GALNT15: variants seen among roughly 807,000 people sequenced by gnomAD.
GALNT15 encodes the protein UDP-GalNAc transferase T15.
In GALNT15, 67 loss-of-function variants were observed where a neutral mutation model predicts 66.8. That is an observed-to-expected ratio of 1.00 (90% confidence interval 0.82 to 1.23). The LOEUF is 1.23. GALNT15 is among the 50% of genes most tolerant of loss of function. The probability of loss-of-function intolerance (pLI) is 0.00; values close to 1 mark genes in which losing one functional copy is unlikely to be tolerated. For synonymous variants in GALNT15, 313 were observed against 311.5 expected, an observed-to-expected ratio of 1.00 and a Z score of -0.05; for missense variants, 827 against 804.3, an observed-to-expected ratio of 1.03 and a Z score of -0.34.
the GALNT15 span, among the ~76,000 whole-genome samples, chr3:16,246,005 G>A: frequency 1.0e-3 from 154 of 152,194 alleles, 1 homozygote; most frequent in Non-Finnish European, 1.8e-3. Flanking sequence ...ATGGGAAGAA[G>A]GTTTGGGGTA....
rs147125799 is a variant in GALNT15 at position 16,225,978 on chromosome 3, G to T, written c.1774-1376G>T. Reference sequence around the variant, plus strand: ...GTAGGAGAATCGCTTGAACCTGGGAGATGGAGGTTGCAATGAGCCGAGATC... The same window carrying T: ...GTAGGAGAATCGCTTGAACCTGGGATATGGAGGTTGCAATGAGCCGAGATC... On this transcript the variant is annotated intron_variant, in intron 9 of 9. Coordinates refer to ENST00000339732, the MANE Select transcript of GALNT15 (RefSeq NM_054110.5). The surrounding 1 kb of genome is among the most constrained non-coding windows in gnomAD (Gnocchi z 4.4). Among the ~76,000 whole-genome samples the T allele has an allele frequency of 4.1e-3, 619 of 150,588 alleles. 9 individuals carry two copies. The highest frequency in any genetic ancestry group is 0.015 in the African/African-American group (606 of 40,882).
chr3:16,241,543 C>T, the GALNT15 span, among the ~76,000 whole-genome samples: 1 of 151,528 alleles, frequency 6.6e-6, no homozygotes, highest in African/African-American at 2.4e-5. This position sits in a 1 kb window ranked among gnomAD's most constrained non-coding sequence, Gnocchi z 4.6. Context: ...AAAACAGCAA[C>T]TTTTTTTTCT....
At position 16,208,471 on chromosome 3, in the gene GALNT15, C is replaced by T. The variant is rs538260003; in HGVS notation, c.912-32C>T. On this transcript the variant is annotated intron_variant, in intron 3 of 9. Transcript: ENST00000339732. ...CCAGCCCCAGCAAGTAAATGCTTTA[C>T]GTCCCTTGTTTAATTCCACAATTCT... 3.0e-5 allele frequency: 48 copies of T among 1,608,528 alleles called. No individual in the cohort carries two copies. The East Asian group carries it at 6.9e-4, about 23-fold the overall frequency.
At chr3:16,208,083 T>C (rs758750461) in intron 3 of GALNT15, among the ~76,000 whole-genome samples, 12 of 152,176 alleles carry the variant, frequency 7.9e-5, no homozygotes, top group Non-Finnish European at 1.6e-4. Flanking sequence ...GCATGCTCTT[T>C]AAAGCAATAC....
Position 16,183,744 on chromosome 3 carries a change from A to G in GALNT15, c.539+8054A>G, listed in dbSNP as rs552119743. On this transcript the variant is annotated intron_variant, in intron 1 of 9. Coordinates refer to ENST00000339732, the MANE Select transcript of GALNT15 (RefSeq NM_054110.5). The surrounding 1 kb of genome is among the most constrained non-coding windows in gnomAD (Gnocchi z 5.2). ...GAGTCAGTATCCCCAAAACAGCTTT[A>G]GGAAACCTGGCAGAAACCTTTCTAC... Among the ~76,000 whole-genome samples the G allele has an allele frequency of 3.9e-5, 6 of 152,308 alleles. No individual in the cohort carries two copies. The East Asian group carries it at 7.7e-4, about 20-fold the overall frequency.
intron 9 of GALNT15, among the ~76,000 whole-genome samples, chr3:16,226,799 A>G (rs2064024901): frequency 6.6e-6 from 1 of 152,228 alleles, no homozygotes; most frequent in Non-Finnish European, 1.5e-5. Flanking sequence ...TCAACTTTTC[A>G]TAAAGTAATT....
In GALNT15 at chr3:16,209,940, C is replaced by T. The variant is rs1410941182; in HGVS notation, c.1080-1184C>T. Among the ~76,000 whole-genome samples, 4 of 152,220 alleles carry T rather than the reference C, an allele frequency of 2.6e-5. No homozygotes were observed. The highest frequency in any genetic ancestry group is 9.7e-5 in the African/African-American group (4 of 41,450). ...GCTTACTGTGAAAATATGTGTGTTT[C>T]ATCAAAGAAATATTAGTATATTTGA... On this transcript the variant is annotated intron_variant, in intron 4 of 9. Transcript: ENST00000339732. The surrounding 1 kb of genome is among the most constrained non-coding windows in gnomAD (Gnocchi z 4.1).
chr3:16,193,666 T>C lies in GALNT15; in HGVS notation c.540-2094T>C, dbSNP rs1447727945. Among the ~76,000 whole-genome samples the C allele has an allele frequency of 6.6e-6, 1 of 152,044 alleles. No individual in the cohort carries two copies. The highest frequency in any genetic ancestry group is 2.4e-5 in the African/African-American group (1 of 41,402). On this transcript the variant is annotated intron_variant, in intron 1 of 9. Coordinates refer to ENST00000339732, the MANE Select transcript of GALNT15 (RefSeq NM_054110.5). This position sits in a 1 kb window ranked among gnomAD's most constrained non-coding sequence, Gnocchi z 4.7. ...GTACCAAGCTAGGGAGCAGCAAGAGTTGGCACATCTTAGAAGGTGTTTCCC... is the reference window on the plus strand; with the variant it reads ...GTACCAAGCTAGGGAGCAGCAAGAGCTGGCACATCTTAGAAGGTGTTTCCC...
Position 16,222,733 on chromosome 3 carries a change from A to C in GALNT15, c.1748A>C (p.His583Pro). 2 of 1,614,190 alleles carry C rather than the reference A, an allele frequency of 1.2e-6. No individual in the cohort carries two copies. The highest frequency in any genetic ancestry group is 1.7e-6 in the Non-Finnish European group (2 of 1,180,028). ...QNCTEEGLAIHQQHWDFQENG... is the reference protein window; with the variant it reads ...QNCTEEGLAIPQQHWDFQENG... ...TGCACGGAGGAAGGCCTGGCCATCC[A>C]CCAGCAGCACTGGGACTTCCAGGAG... The change falls in exon 9 of 10, where the codon CAC becomes CCC. Residue 583 changes from histidine (H) to proline (P), a missense_variant. By Grantham distance (77) the His-to-Pro change is moderately conservative. Coordinates refer to ENST00000339732, the MANE Select transcript of GALNT15 (RefSeq NM_054110.5).
intron 6 of GALNT15, among the ~76,000 whole-genome samples, chr3:16,217,102 G>A (rs1052935392): frequency 6.6e-6 from 1 of 152,178 alleles, no homozygotes; most frequent in African/African-American, 2.4e-5. Flanking sequence ...CCTCTTAGAA[G>A]CTATTGACCC....
chr3:16,203,241 C>T lies in GALNT15; in HGVS notation c.911+2418C>T, dbSNP rs554503426. 6.6e-6 allele frequency among the ~76,000 whole-genome samples: 1 copy of T among 152,206 alleles called. No homozygotes were observed. Among genetic ancestry groups the T allele is most frequent in the South Asian group, 2.1e-4 (1 of 4,822 alleles). ...GGAACATTAGTCATCCCTAACCCCA[C>T]AACTGGTTATGAGACATGTGTTACC... On this transcript the variant is annotated intron_variant, in intron 3 of 9. Transcript: ENST00000339732. This position sits in a 1 kb window ranked among gnomAD's most constrained non-coding sequence, Gnocchi z 6.2.
At position 16,184,036 on chromosome 3, in the gene GALNT15, A is replaced by G. The variant is rs924034163; in HGVS notation, c.539+8346A>G. Among the ~76,000 whole-genome samples the G allele has an allele frequency of 2.6e-5, 4 of 152,100 alleles. No individual in the cohort carries two copies. Among genetic ancestry groups the G allele is most frequent in the African/African-American group, 9.7e-5 (4 of 41,392 alleles). ...GATTATCCCTTTCAATCCAGGACAC[A>G]CCCCTGGGCTGGAGAAAGGTATCAA... On this transcript the variant is annotated intron_variant, in intron 1 of 9. Transcript: ENST00000339732. The surrounding 1 kb of genome is among the most constrained non-coding windows in gnomAD (Gnocchi z 5.0).
rs1259784465 is a variant in GALNT15 at position 16,227,092 on chromosome 3, C to T, written c.1774-262C>T. On this transcript the variant is annotated intron_variant, in intron 9 of 9. Transcript: ENST00000339732. This position sits in a 1 kb window ranked among gnomAD's most constrained non-coding sequence, Gnocchi z 4.5. ...AACATGCTCTGGGAATTATACTAACCATAACTTTCTAAGAAATGGTGCAAT... is the reference window on the plus strand; with the variant it reads ...AACATGCTCTGGGAATTATACTAACTATAACTTTCTAAGAAATGGTGCAAT... 6.6e-6 allele frequency among the ~76,000 whole-genome samples: 1 copy of T among 152,182 alleles called. No individual in the cohort carries two copies. Among genetic ancestry groups the T allele is most frequent in the Non-Finnish European group, 1.5e-5 (1 of 68,040 alleles).
chr3:16,206,671 TAAAAAA>T (rs1170870767), intron 3 of GALNT15, among the ~76,000 whole-genome samples: 2 of 60,046 alleles, frequency 3.3e-5, no homozygotes, highest in African/African-American at 6.1e-5. Flanking sequence ...AGACTCTGTC[TAAAAAA>T]AAAAAAAAAA....
At chr3:16,202,357 G>T (rs2063712603) in intron 3 of GALNT15, among the ~76,000 whole-genome samples, 1 of 152,214 alleles carries the variant, frequency 6.6e-6, no homozygotes, top group Non-Finnish European at 1.5e-5. Context: ...AGCTGGCCAG[G>T]CACGGTGGCT....
chr3:16,228,952 T>A lies in GALNT15; in HGVS notation c.*1452T>A. The stretch of plus-strand genomic sequence containing the variant: ...GCTAGTAAGAGCTAAATGACTTTCC[T>A]TGCTATGACTTGGCTTACCTGAATT... On this transcript the variant is annotated 3_prime_UTR_variant, in exon 10 of 10. Coordinates refer to ENST00000339732, the MANE Select transcript of GALNT15 (RefSeq NM_054110.5). 1.0e-6 allele frequency: 1 copy of A among 985,460 alleles called. No individual in the cohort carries two copies. The highest frequency in any genetic ancestry group is 1.2e-6 in the Non-Finnish European group (1 of 829,944). 61.0% of individuals were successfully genotyped at this position (985,460 alleles called of 1,614,324 possible).
Position 16,225,465 on chromosome 3 carries a change from G to A in GALNT15, c.1774-1889G>A, listed in dbSNP as rs572980989. On this transcript the variant is annotated intron_variant, in intron 9 of 9. Coordinates refer to ENST00000339732, the MANE Select transcript of GALNT15 (RefSeq NM_054110.5). The surrounding 1 kb of genome is among the most constrained non-coding windows in gnomAD (Gnocchi z 4.4). Reference sequence around the variant, plus strand: ...TAATCCCAGCACTTCGGGAGGCCGAGGCAGGTGGATCACGAGGTCAGGAGG... The same window carrying A: ...TAATCCCAGCACTTCGGGAGGCCGAAGCAGGTGGATCACGAGGTCAGGAGG... Among the ~76,000 whole-genome samples the A allele has an allele frequency of 6.6e-6, 1 of 152,342 alleles. No homozygotes were observed. Among genetic ancestry groups the A allele is most frequent in the African/African-American group, 2.4e-5 (1 of 41,572 alleles).
At chr3:16,207,133 A>G (rs1428334095) in intron 3 of GALNT15, among the ~76,000 whole-genome samples, 2 of 152,232 alleles carry the variant, frequency 1.3e-5, no homozygotes, top group Non-Finnish European at 2.9e-5. Context: ...CACTTATGTC[A>G]GTTACCTAAA....
intron 1 of GALNT15, among the ~76,000 whole-genome samples, chr3:16,177,405 T>C (rs916463822): frequency 6.6e-6 from 1 of 152,208 alleles, no homozygotes; most frequent in African/African-American, 2.4e-5. Flanking sequence ...TTGTGGGTCA[T>C]GGTATATGTA....
Sources: gnomAD v4.1 joint callset for allele counts (sites outside exome capture counted in the v4.1 genomes callset) on GRCh38, gnomAD v4.1.1 for gene constraint, Gnocchi (gnomAD v3.1) non-coding constraint, MANE v1.5 for transcripts, NCBI Gene and HGNC (gene_info 2026-07-23, HGNC 2026-07-21) for gene names.